DAAM1: variants seen among roughly 807,000 people sequenced by gnomAD.
The protein encoded by DAAM1 is disheveled-associated activator of morphogenesis 1.
A neutral mutation model predicts 130.0 loss-of-function variants in DAAM1; 52 were observed. That is an observed-to-expected ratio of 0.40 (90% CI 0.32 to 0.50). The LOEUF (loss-of-function observed/expected upper bound fraction) is 0.50, where lower values mean the gene tolerates loss of function less well. DAAM1 is among the 20% of genes least tolerant of loss of function. The probability of loss-of-function intolerance (pLI) is 0.61; values close to 1 mark genes in which losing one functional copy is unlikely to be tolerated. For missense variants in DAAM1, 1,134 were observed against 1,303.8 expected (o/e 0.87, Z 2.01); for synonymous variants, 452 against 444.5 (o/e 1.02, Z -0.21).
chr14:59,219,112 A>T (rs1888684881), intron 1 of DAAM1, among the ~76,000 whole-genome samples: 1 of 152,210 alleles, frequency 6.6e-6, no homozygotes, highest in Admixed American at 6.5e-5. Context: ...GGGAATGTAT[A>T]CCTGTGTTCT....
At chr14:59,303,543 AC>A (rs1884260582) in intron 3 of DAAM1, among the ~76,000 whole-genome samples, 1 of 152,172 alleles carries the variant, frequency 6.6e-6, no homozygotes, top group South Asian at 2.1e-4. Context: ...CTAGCTCTGA[AC>A]AATTGGGGGT....
chr14:59,319,959 T>G (rs1488460772), intron 4 of DAAM1, among the ~76,000 whole-genome samples: 1 of 152,044 alleles, frequency 6.6e-6, no homozygotes, highest in African/African-American at 2.4e-5. Context: ...CTCCATATCC[T>G]GATTTCTAAA....
intron 17 of DAAM1, among the ~76,000 whole-genome samples, chr14:59,351,474 CCCACTGATGTTA>C (rs1232579403): frequency 1.3e-5 from 2 of 152,148 alleles, no homozygotes; most frequent in Non-Finnish European, 2.9e-5. Flanking sequence ...CCTGCCCTCT[CCCACTGATGTTA>C]CCACTGCCCT....
intron 2 of DAAM1, among the ~76,000 whole-genome samples, chr14:59,268,383 T>C (rs1170299968): frequency 1.3e-5 from 2 of 152,246 alleles, no homozygotes; most frequent in African/African-American, 2.4e-5. Flanking sequence ...CTGGGTCATA[T>C]GGTAACACTG....
intron 1 of DAAM1, among the ~76,000 whole-genome samples, chr14:59,239,214 G>C (rs989252610): frequency 3.3e-5 from 5 of 152,188 alleles, no homozygotes; most frequent in African/African-American, 1.2e-4. Flanking sequence ...TTGTGAAACA[G>C]GGTAATGCCC....
rs1179240701 is a variant in DAAM1, at chr14:59,369,665, C to G, written c.*806C>G. 7.0e-6 allele frequency: 1 copy of G among 142,310 alleles called. No individual in the cohort carries two copies. Among genetic ancestry groups the G allele is most frequent in the East Asian group, 2.1e-4 (1 of 4,678 alleles). The allele number at this position is 142,310 out of a possible 1,614,324, so 8.8% of individuals were successfully genotyped here. On this transcript the variant is annotated 3_prime_UTR_variant, in exon 25 of 25. Transcript: ENST00000360909. ...ACAACATTGCCAGAGTATGCTTGTT[C>G]TAACAATATAGATATATAAACCTTA...
At chr14:59,289,132 G>A (rs113858825) in intron 2 of DAAM1, among the ~76,000 whole-genome samples, 5,350 of 152,066 alleles carry the variant, frequency 0.035, 293 homozygotes, top group African/African-American at 0.12. Flanking sequence ...GTCCAGGCTG[G>A]TCTTGATCTC....
At chr14:59,210,122 T>G (rs1888382916) in intron 1 of DAAM1, among the ~76,000 whole-genome samples, 1 of 151,918 alleles carries the variant, frequency 6.6e-6, no homozygotes, top group Non-Finnish European at 1.5e-5. Context: ...AGCCCGAGGG[T>G]CTGAATGAGA....
Position 59,331,874 on chromosome 14 carries a change from A to G in DAAM1, c.1922A>G (p.Asp641Gly). Reference protein sequence around the residue: ...IDDTKVFKILDLEDLERTFSA... With the variant: ...IDDTKVFKILGLEDLERTFSA... ...GATACAAAAGTCTTCAAAATTCTAG[A>G]TCTTGAAGACCTGGAAAGAACCTTC... The change falls in exon 15 of 25, where the codon GAT becomes GGT. Residue 641 changes from aspartate (D) to glycine (G), a missense_variant. Asp to Gly is a moderately conservative substitution (Grantham distance 94). Around this residue, in one of 3 missense-constraint regions of DAAM1, gnomAD observed 644 missense variants for 695.9 expected, o/e 0.93. Coordinates refer to ENST00000360909, the MANE Select transcript of DAAM1 (RefSeq NM_001270520.2). 6.2e-7 allele frequency: 1 copy of G among 1,614,166 alleles called. No homozygotes were observed. Among genetic ancestry groups the G allele is most frequent in the Non-Finnish European group, 8.5e-7 (1 of 1,180,006 alleles).
chr14:59,219,429 C>G (rs1442331785), intron 1 of DAAM1, among the ~76,000 whole-genome samples: 1 of 152,082 alleles, frequency 6.6e-6, no homozygotes, highest in Non-Finnish European at 1.5e-5. Flanking sequence ...GATTCTTGTT[C>G]CCTGGTTTCT....
At chr14:59,359,971 C>G (rs759086135) in intron 21 of DAAM1, among the ~76,000 whole-genome samples, 1 of 152,252 alleles carries the variant, frequency 6.6e-6, no homozygotes, top group Non-Finnish European at 1.5e-5. Context: ...GTTTCAGAGA[C>G]TGAGAAGCAG....
chr14:59,330,406 A>G, intron 12 of DAAM1, 95 bp from the exon 13 acceptor site: 2 of 1,172,208 alleles, frequency 1.7e-6, no homozygotes, highest in Non-Finnish European at 2.4e-6. Flanking sequence ...GATCCTCATA[A>G]TCTCTGCCAT....
At chr14:59,227,302 A>G (rs1344267191) in intron 1 of DAAM1, among the ~76,000 whole-genome samples, 1 of 151,874 alleles carries the variant, frequency 6.6e-6, no homozygotes, top group East Asian at 1.9e-4. Context: ...TTTGCCCCTT[A>G]CTCCTGAAAG....
chr14:59,312,654 A>T (rs1190392841), intron 3 of DAAM1, among the ~76,000 whole-genome samples: 1 of 152,210 alleles, frequency 6.6e-6, no homozygotes, highest in Non-Finnish European at 1.5e-5. Context: ...TTTAAAGAGG[A>T]TGGGAGAGGA....
At chr14:59,277,765 A>G (rs943750455) in intron 2 of DAAM1, among the ~76,000 whole-genome samples, 14 of 152,146 alleles carry the variant, frequency 9.2e-5, no homozygotes, top group Non-Finnish European at 1.5e-4. Flanking sequence ...TCTAAGATGT[A>G]GTAAGATTTA....
chr14:59,228,472 G>A (rs556681498), intron 1 of DAAM1, among the ~76,000 whole-genome samples: 13 of 152,280 alleles, frequency 8.5e-5, no homozygotes, highest in Non-Finnish European at 1.8e-4. Context: ...AAAATGGTTC[G>A]GAGTATCACT....
At chr14:59,212,262 A>G (rs1048050386) in intron 1 of DAAM1, among the ~76,000 whole-genome samples, 2 of 152,240 alleles carry the variant, frequency 1.3e-5, no homozygotes, top group African/African-American at 4.8e-5. Context: ...TAGTATAGTC[A>G]TCTGGTCGGG....
At chr14:59,227,856 A>G (rs1270534309) in intron 1 of DAAM1, among the ~76,000 whole-genome samples, 2 of 152,128 alleles carry the variant, frequency 1.3e-5, no homozygotes, top group African/African-American at 2.4e-5. Context: ...AATGAATGGT[A>G]CTCCTTGTTC....
intron 1 of DAAM1, among the ~76,000 whole-genome samples, chr14:59,208,444 G>A (rs928458426): frequency 2.0e-5 from 3 of 152,068 alleles, no homozygotes; most frequent in South Asian, 2.1e-4. Flanking sequence ...GGCCATGGCC[G>A]GACTCCCCAT....
Sources: allele counts gnomAD v4.1 joint callset (sites outside exome capture counted in the v4.1 genomes callset), GRCh38; gene constraint gnomAD v4.1.1; regional missense constraint gnomAD v4.1.1; transcripts MANE v1.5; gene names NCBI Gene and HGNC (gene_info 2026-07-23, HGNC 2026-07-21).